Variants in CUBN observed in about 807,000 individuals in gnomAD.
The protein encoded by CUBN is cubilin.
Under a neutral mutation model 405.3 loss-of-function variants are expected in CUBN, and 282 were observed. That is an observed-to-expected ratio of 0.70 (90% confidence interval 0.63 to 0.77). CUBN has a LOEUF of 0.77. CUBN is among the 30% of genes least tolerant of loss of function. The pLI, the probability that CUBN is intolerant of heterozygous loss-of-function variation, is 0.00. For synonymous variants in CUBN, 1,684 were observed against 1,617.0 expected, an observed-to-expected ratio of 1.04 and a Z score of -0.99; for missense variants, 4,514 against 4,475.2, an observed-to-expected ratio of 1.01 and a Z score of -0.25.
In CUBN at chr10:17,065,518, A is replaced by G. The variant is rs371595372; in HGVS notation, c.3129T>C (p.Ser1043=). The G allele has an allele frequency of 3.0e-5, 48 of 1,613,224 alleles. No individual in the cohort carries two copies. The highest frequency in any genetic ancestry group is 3.6e-5 in the Non-Finnish European group (43 of 1,179,406). ...ATGCTGTTTTGTTACCTGTTGCTGCACTGATTGCTTCATAGTTTATTAAGA... is the reference window on the plus strand; with the variant it reads ...ATGCTGTTTTGTTACCTGTTGCTGCGCTGATTGCTTCATAGTTTATTAAGA... The part of the protein sequence containing the change: ...EGFLINYEAI[S]AATACLQDYT... Residue 1043 remains serine (S), a synonymous_variant, in exon 22 of 67, where the codon AGT becomes AGC. Coordinates refer to ENST00000377833, the MANE Select transcript of CUBN (RefSeq NM_001081.4).
intron 66 of CUBN, among the ~76,000 whole-genome samples, chr10:16,826,038 C>T (rs1469151261): frequency 6.6e-6 from 1 of 152,122 alleles, no homozygotes; most frequent in African/African-American, 2.4e-5. Flanking sequence ...ACTAGTATGT[C>T]AACAGACGGT....
intron 58 of CUBN, 151 bp downstream of exon 58, chr10:16,874,223 G>C (rs888577361): frequency 2.4e-6 from 2 of 847,622 alleles, no homozygotes; most frequent in African/African-American, 1.7e-5. Flanking sequence ...TCATTTCCCA[G>C]GTTGAACTGT....
intron 10 of CUBN, among the ~76,000 whole-genome samples, chr10:17,109,194 G>A (rs1836709128): frequency 6.6e-6 from 1 of 152,118 alleles, no homozygotes; most frequent in Non-Finnish European, 1.5e-5. Context: ...ACTGTTGGTT[G>A]TCACCCTAGA....
intron 54 of CUBN, among the ~76,000 whole-genome samples, chr10:16,895,891 G>A (rs534377818): frequency 3.3e-5 from 5 of 152,164 alleles, no homozygotes; most frequent in African/African-American, 1.2e-4. Flanking sequence ...TATCAGTTCT[G>A]TGTCTACATT....
At chr10:16,908,048 T>C (rs1841606433) in intron 48 of CUBN, among the ~76,000 whole-genome samples, 1 of 152,220 alleles carries the variant, frequency 6.6e-6, no homozygotes, top group South Asian at 2.1e-4. Context: ...TAACAATGCA[T>C]CAGGACATTT....
chr10:16,854,723 G>A (rs1022990675), intron 59 of CUBN, among the ~76,000 whole-genome samples: 1 of 152,116 alleles, frequency 6.6e-6, no homozygotes, highest in Non-Finnish European at 1.5e-5. Context: ...GTTCATAAGG[G>A]CAAGATGGCA....
At chr10:16,871,596 A>C (rs1022890305) in intron 58 of CUBN, among the ~76,000 whole-genome samples, 2 of 152,104 alleles carry the variant, frequency 1.3e-5, no homozygotes, top group Non-Finnish European at 2.9e-5. Flanking sequence ...ATGTTATTGT[A>C]AAAGATCAGG....
chr10:16,947,249 G>A lies in CUBN; in HGVS notation c.5328C>T (p.Leu1776=). ...WNIVSSPGNR[L]QLSFISFQLE... ...AAAGGATTTACATAAAAGACAGCTG[G>A]AGCCGGTTGCCAGGGGAACTGACGA... is the stretch of plus-strand genomic sequence containing the variant. Residue 1776 remains leucine, a synonymous_variant, in exon 36 of 67, where the codon CTC becomes CTT. Transcript: ENST00000377833. 6.2e-7 allele frequency: 1 copy of A among 1,614,106 alleles called. No homozygotes were observed. The highest frequency in any genetic ancestry group is 1.3e-5 in the African/African-American group (1 of 75,020).
chr10:17,088,292 G>T lies in CUBN; in HGVS notation c.1819C>A (p.Pro607Thr), dbSNP rs1365971444. Residue 607 changes from proline to threonine, a missense_variant, in exon 15 of 67, where the codon CCT (proline) becomes ACT (threonine). By Grantham distance (38) the Pro-to-Thr change is conservative. This residue lies in a region of CUBN where 1,448 missense variants were observed against 1,388.0 expected (regional missense o/e 1.04). Transcript: ENST00000377833. The part of the protein sequence containing the change: ...PYGSIKSPGY[P>T]GNYPPGRDCV... ...TCTCTTCCTGGGGGATAGTTTCCAG[G>T]ATACCCCGGAGACTTAATAGAACCG... The T allele has an allele frequency of 5.0e-6, 8 of 1,613,536 alleles. No individual in the cohort carries two copies. Among genetic ancestry groups the T allele is most frequent in the Non-Finnish European group, 5.9e-6 (7 of 1,179,566 alleles).
intron 59 of CUBN, among the ~76,000 whole-genome samples, chr10:16,862,158 T>TCA (rs796948941): frequency 2.9e-3 from 263 of 90,826 alleles, no homozygotes; most frequent in African/African-American, 7.2e-3. Flanking sequence ...TCTCTCTCTC[T>TCA]CTCACACACA....
intron 28 of CUBN, among the ~76,000 whole-genome samples, chr10:17,004,977 G>A (rs1019927557): frequency 3.3e-5 from 5 of 151,976 alleles, no homozygotes; most frequent in Middle Eastern, 3.2e-3. Context: ...TCTTTAATAC[G>A]CTGCCTCACC....
rs1339792817 is a variant in CUBN at position 17,100,176 on chromosome 10, G to C, written c.1594C>G (p.Leu532Val). 1 of 1,613,950 alleles carries C rather than the reference G, an allele frequency of 6.2e-7. No individual in the cohort carries two copies. Among genetic ancestry groups the C allele is most frequent in the African/African-American group, 1.3e-5 (1 of 74,922 alleles). Residue 532 changes from leucine (L) to valine (V), a missense_variant, in exon 14 of 67, where the codon CTT becomes GTT. Physicochemically the swap from Leu to Val is conservative, Grantham distance 32. This residue lies in a region of CUBN where 1,448 missense variants were observed against 1,388.0 expected (regional missense o/e 1.04). Transcript: ENST00000377833. ...ESMDNCPHEF[L>V]QVYDGDSSSA... ...GAGGAATCTCCATCATAAACCTGAA[G>C]AAACTCGTGTGGACAGTTGTCCATG...
chr10:17,056,608 CA>C (rs1028143372), intron 22 of CUBN, among the ~76,000 whole-genome samples: 8 of 141,322 alleles, frequency 5.7e-5, no homozygotes, highest in Non-Finnish European at 9.3e-5. Flanking sequence ...GACTCCGTCT[CA>C]AAAAAAAAAC....
intron 27 of CUBN, among the ~76,000 whole-genome samples, chr10:17,035,648 G>A (rs1407453345): frequency 6.6e-6 from 1 of 152,130 alleles, no homozygotes; most frequent in Non-Finnish European, 1.5e-5. Flanking sequence ...TGTTTTCAAC[G>A]CAGCCATAAA....
intron 17 of CUBN, among the ~76,000 whole-genome samples, chr10:17,081,352 A>G (rs1907368): frequency 0.36 from 54,037 of 152,110 alleles, 11,525 homozygotes; most frequent in East Asian, 0.56. Flanking sequence ...ACATCTCTGT[A>G]GAATTTCTTT....
At chr10:16,826,411 AGTAT>A (rs1454150455) in intron 66 of CUBN, among the ~76,000 whole-genome samples, 4 of 152,218 alleles carry the variant, frequency 2.6e-5, no homozygotes, top group African/African-American at 9.6e-5. Context: ...AACATGTGAA[AGTAT>A]GTATGTAAAT....
chr10:17,125,666 T>C (rs1359967386), intron 4 of CUBN, among the ~76,000 whole-genome samples: 2 of 152,124 alleles, frequency 1.3e-5, no homozygotes. Context: ...TGGTGGGGAC[T>C]GTGGTGGCCA....
At chr10:17,072,054 A>G (rs1835752734) in intron 17 of CUBN, 83 bp from the exon 18 acceptor site, 1 of 1,079,920 alleles carries the variant, frequency 9.3e-7, no homozygotes. Flanking sequence ...AGATGAAAAA[A>G]TGGCAGATTC....
chr10:17,023,246 T>C (rs1369036305), intron 27 of CUBN, among the ~76,000 whole-genome samples: 1 of 138,318 alleles, frequency 7.2e-6, no homozygotes, highest in African/African-American at 2.9e-5. Context: ...CACTGATGAA[T>C]GACAATTAGT....
Sources: gnomAD v4.1 joint callset for allele counts (sites outside exome capture counted in the v4.1 genomes callset) on GRCh38, gnomAD v4.1.1 for gene constraint, gnomAD v4.1.1 regional missense constraint, MANE v1.5 for transcripts, NCBI Gene and HGNC (gene_info 2026-07-23, HGNC 2026-07-21) for gene names.